The following DYM variants were observed in gnomAD, a reference collection of about 807,000 sequenced individuals.
DYM encodes dymeclin.
In DYM, 78 loss-of-function variants were observed where a neutral mutation model predicts 93.1. That is an observed-to-expected ratio of 0.84 (90% CI 0.70 to 1.01). DYM has a LOEUF of 1.01. Ranked by LOEUF, DYM falls within the 50% of genes least tolerant of loss-of-function variation. The pLI is 0.00. For synonymous variants in DYM, 321 were observed against 319.7 expected, an observed-to-expected ratio of 1.00 and a Z score of -0.04; for missense variants, 789 against 845.0, an observed-to-expected ratio of 0.93 and a Z score of 0.82.
At chr18:49,128,340 A>C (rs1386486062) in intron 15 of DYM, among the ~76,000 whole-genome samples, 1 of 152,206 alleles carries the variant, frequency 6.6e-6, no homozygotes, top group African/African-American at 2.4e-5. Flanking sequence ...TCAATGTTTT[A>C]CCTTAAGTAT....
chr18:49,369,791 A>C (rs2066834276), intron 5 of DYM, among the ~76,000 whole-genome samples: 1 of 152,228 alleles, frequency 6.6e-6, no homozygotes, highest in Non-Finnish European at 1.5e-5. Context: ...AAGTGCCATT[A>C]AAGCCAGGCT....
intron 14 of DYM, among the ~76,000 whole-genome samples, chr18:49,198,136 T>G (rs1255163229): frequency 6.6e-6 from 1 of 152,164 alleles, no homozygotes; most frequent in Non-Finnish European, 1.5e-5. Context: ...GGGGAAAGGA[T>G]TCCCTATTTA....
In DYM at chr18:49,314,693, C is replaced by T. The variant is rs540163588; in HGVS notation, c.763+17171G>A. On this transcript the variant is annotated intron_variant, in intron 8 of 17. Transcript: ENST00000675505. ...TTTTGAAAGAGATTTAATTCATTTT[C>T]GCTTTATGCAAAATAAGAGTAAAAT... Among the ~76,000 whole-genome samples the T allele has an allele frequency of 4.6e-5, 7 of 152,286 alleles. No homozygotes were observed. The South Asian group carries it at 1.0e-3, about 23-fold the overall frequency.
rs190285968 is a variant in DYM at position 49,242,633 on chromosome 18, C to T, written c.1460+14377G>A. 6.6e-5 allele frequency among the ~76,000 whole-genome samples: 10 copies of T among 152,258 alleles called. No individual in the cohort carries two copies. In the East Asian group the frequency reaches 1.7e-3, roughly 26 times the overall value. On this transcript the variant is annotated intron_variant, in intron 13 of 17. Coordinates refer to ENST00000675505, the MANE Select transcript of DYM (RefSeq NM_001353214.3). ...AAGTTCGATGAAGGAAGTTTTGCGT[C>T]TTCTGTAGGTCACTGAAAGGGAAGT... is the stretch of plus-strand genomic sequence containing the variant.
intron 1 of DYM, among the ~76,000 whole-genome samples, chr18:49,458,343 AG>A (rs1268580409): frequency 6.6e-6 from 1 of 152,114 alleles, no homozygotes; most frequent in Non-Finnish European, 1.5e-5. Context: ...TAAAAAAAAA[AG>A]GAACAATCAG....
At chr18:49,102,811 A>G (rs1260054968) in intron 16 of DYM, among the ~76,000 whole-genome samples, 1 of 152,166 alleles carries the variant, frequency 6.6e-6, no homozygotes, top group African/African-American at 2.4e-5. Context: ...AATCCAGTCT[A>G]TCATTGATGG....
chr18:49,192,160 G>A (rs962113424), intron 14 of DYM, among the ~76,000 whole-genome samples: 1 of 139,788 alleles, frequency 7.2e-6, no homozygotes, highest in Non-Finnish European at 1.5e-5. Flanking sequence ...TGAACTCCTG[G>A]CCTCAAGCGA....
chr18:49,056,750 T>C (rs957821046), intron 17 of DYM, among the ~76,000 whole-genome samples: 1 of 151,992 alleles, frequency 6.6e-6, no homozygotes, highest in Non-Finnish European at 1.5e-5. Context: ...GGTTTCACCA[T>C]GTTAGCCAGG....
At chr18:49,403,753 T>G (rs981690229) in intron 2 of DYM, among the ~76,000 whole-genome samples, 3 of 147,964 alleles carry the variant, frequency 2.0e-5, no homozygotes, top group African/African-American at 7.4e-5. Flanking sequence ...CTTCCCCCCA[T>G]AGTAGTACCC....
chr18:49,277,899 G>A (rs540920173), intron 10 of DYM, among the ~76,000 whole-genome samples: 6 of 152,250 alleles, frequency 3.9e-5, no homozygotes, highest in Admixed American at 6.5e-5. Flanking sequence ...GAGATGAACA[G>A]TGTCATGCAG....
At chr18:49,348,882 C>CT (rs1256891306) in intron 6 of DYM, among the ~76,000 whole-genome samples, 1 of 130,214 alleles carries the variant, frequency 7.7e-6, no homozygotes, top group East Asian at 2.5e-4. Context: ...GCACTCCAGC[C>CT]GGGTAACAGA....
intron 8 of DYM, among the ~76,000 whole-genome samples, chr18:49,294,027 T>G (rs2060352241): frequency 6.6e-6 from 1 of 152,222 alleles, no homozygotes; most frequent in Non-Finnish European, 1.5e-5. Context: ...TTCAGTTTTC[T>G]GCACATGGTT....
chr18:49,419,611 A>G (rs551933262), intron 2 of DYM, among the ~76,000 whole-genome samples: 1 of 152,164 alleles, frequency 6.6e-6, no homozygotes, highest in Admixed American at 6.5e-5. Context: ...ATTCTTGTTC[A>G]TTATACTTTT....
intron 17 of DYM, among the ~76,000 whole-genome samples, chr18:49,047,837 G>A (rs2071825855): frequency 6.6e-6 from 1 of 151,972 alleles, no homozygotes; most frequent in Admixed American, 6.6e-5. Context: ...GTAGCAAGAG[G>A]GGGGCAACAA....
At chr18:49,222,590 G>A (rs1017194831) in intron 13 of DYM, among the ~76,000 whole-genome samples, 11 of 152,112 alleles carry the variant, frequency 7.2e-5, no homozygotes, top group African/African-American at 2.4e-4. Flanking sequence ...ACTGCTCTGC[G>A]ACTGATCAAA....
chr18:49,113,440 T>C (rs1416437433), intron 16 of DYM, among the ~76,000 whole-genome samples: 4 of 152,222 alleles, frequency 2.6e-5, no homozygotes, highest in Non-Finnish European at 4.4e-5. Context: ...GTAATAAAAA[T>C]GTAGGCACTT....
intron 15 of DYM, among the ~76,000 whole-genome samples, chr18:49,134,608 T>C (rs1209299857): frequency 6.6e-6 from 1 of 152,224 alleles, no homozygotes; most frequent in Admixed American, 6.5e-5. Flanking sequence ...CCTCAGTTTA[T>C]TGAAACAGAC....
intron 1 of DYM, among the ~76,000 whole-genome samples, chr18:49,440,350 T>C (rs1307599696): frequency 7.5e-6 from 1 of 133,484 alleles, no homozygotes; most frequent in Non-Finnish European, 1.6e-5. Flanking sequence ...TGATATATAA[T>C]ATAGTATATG....
At chr18:49,338,513 C>T (rs917150054) in intron 6 of DYM, among the ~76,000 whole-genome samples, 2 of 152,148 alleles carry the variant, frequency 1.3e-5, no homozygotes, top group Non-Finnish European at 2.9e-5. Context: ...TATCAAGCCA[C>T]TCTATACAGC....
Sources: allele counts gnomAD v4.1 joint callset (sites outside exome capture counted in the v4.1 genomes callset), GRCh38; gene constraint gnomAD v4.1.1; transcripts MANE v1.5; gene names NCBI Gene and HGNC (gene_info 2026-07-23, HGNC 2026-07-21).